The following CTNND2 variants were observed in gnomAD, a reference collection of about 807,000 sequenced individuals.
The protein encoded by CTNND2 is catenin delta 2, also known as catenin delta-2.
A neutral mutation model predicts 144.4 loss-of-function variants in CTNND2; 22 were observed. The observed-to-expected ratio is 0.15, with a 90% CI of 0.11 to 0.22. The LOEUF is 0.22. Among genes scored for constraint, CTNND2 ranks in the 10% least tolerant of loss-of-function variants. The pLI is 1.00. For synonymous variants in CTNND2, 751 were observed against 695.6 expected (o/e 1.08, Z -1.25); for missense variants, 1,353 against 1,618.8 (o/e 0.84, Z 2.82).
chr5:11,295,915 A>C (rs1278545298), intron 9 of CTNND2, among the ~76,000 whole-genome samples: 1 of 152,192 alleles, frequency 6.6e-6, no homozygotes, highest in Non-Finnish European at 1.5e-5. Context: ...TTCAGGACAT[A>C]GGCATGGGCA....
intron 18 of CTNND2, among the ~76,000 whole-genome samples, chr5:10,997,482 C>T (rs1739476131): frequency 6.6e-6 from 1 of 151,784 alleles, no homozygotes; most frequent in Admixed American, 6.6e-5. Context: ...ATCCTAGCTA[C>T]TCGGGAGGCT....
At chr5:11,480,331 T>C (rs1474829891) in intron 3 of CTNND2, among the ~76,000 whole-genome samples, 2 of 152,206 alleles carry the variant, frequency 1.3e-5, no homozygotes, top group Non-Finnish European at 2.9e-5. Flanking sequence ...CAATGCCACT[T>C]GGAGCAGCCT....
intron 1 of CTNND2, among the ~76,000 whole-genome samples, chr5:11,870,380 T>C (rs1734999223): frequency 6.6e-6 from 1 of 152,284 alleles, no homozygotes; most frequent in Non-Finnish European, 1.5e-5. Flanking sequence ...TGGAGAGCTG[T>C]CAGCTACATG....
intron 1 of CTNND2, among the ~76,000 whole-genome samples, chr5:11,871,779 G>A (rs189150756): frequency 1.8e-4 from 27 of 152,214 alleles, no homozygotes; most frequent in South Asian, 1.2e-3. Context: ...GGACAAGCCC[G>A]AGACACAATT....
At chr5:11,556,047 G>A (rs1209256424) in intron 3 of CTNND2, among the ~76,000 whole-genome samples, 1 of 152,038 alleles carries the variant, frequency 6.6e-6, no homozygotes, top group Non-Finnish European at 1.5e-5. Context: ...AACTTTATTG[G>A]AGCAGTAATA....
At chr5:11,845,367 T>C (rs1000890625) in intron 1 of CTNND2, among the ~76,000 whole-genome samples, 1 of 152,308 alleles carries the variant, frequency 6.6e-6, no homozygotes, top group Admixed American at 6.5e-5. Context: ...CCAAAAATCA[T>C]AGCATCATAA....
At chr5:11,836,020 A>AT (rs1369790307) in intron 1 of CTNND2, among the ~76,000 whole-genome samples, 1 of 152,006 alleles carries the variant, frequency 6.6e-6, no homozygotes, top group African/African-American at 2.4e-5. Flanking sequence ...ATGCATTTTA[A>AT]TTTTCATTCA....
chr5:11,494,218 G>A (rs1269163920), intron 3 of CTNND2, among the ~76,000 whole-genome samples: 1 of 152,132 alleles, frequency 6.6e-6, no homozygotes, highest in Non-Finnish European at 1.5e-5. Context: ...AATAGATTAA[G>A]TGAACTTCAT....
At chr5:11,415,451 T>G (rs1220123214) in intron 3 of CTNND2, among the ~76,000 whole-genome samples, 2 of 152,026 alleles carry the variant, frequency 1.3e-5, no homozygotes, top group East Asian at 3.9e-4. Context: ...AAAATCTTTT[T>G]AAAAATTAGC....
chr5:11,567,869 C>T (rs756560742), intron 2 of CTNND2, among the ~76,000 whole-genome samples: 1 of 152,174 alleles, frequency 6.6e-6, no homozygotes, highest in Non-Finnish European at 1.5e-5. Flanking sequence ...TCAACACAGA[C>T]ATTTTCATTT....
rs367874263 is a variant in CTNND2 at position 10,992,594 on chromosome 5, C to T, written c.3168G>A (p.Thr1056=). The change falls in exon 19 of 22, where the codon ACG becomes ACA. Residue 1056 remains threonine (T), a synonymous_variant. Coordinates refer to ENST00000304623, the MANE Select transcript of CTNND2 (RefSeq NM_001332.4). ...ACACGCGCACAGGGGAGATGGAGGG[C>T]GTGCGGGAGGAGGAGTAGGGCCTTT... ...DRQRPYSSSR[T]PSISPVRVSP... 55 of 1,613,832 alleles carry T rather than the reference C, an allele frequency of 3.4e-5. No homozygotes were observed. In the South Asian group the frequency reaches 4.3e-4, roughly 13 times the overall value.
chr5:11,231,857 T>G (rs557498758), intron 10 of CTNND2, among the ~76,000 whole-genome samples: 1 of 152,190 alleles, frequency 6.6e-6, no homozygotes, highest in South Asian at 2.1e-4. Context: ...TGGAGGCCTG[T>G]GGGAGGGAAA....
At chr5:11,253,673 CGAT>C (rs1743908293) in intron 9 of CTNND2, among the ~76,000 whole-genome samples, 1 of 152,044 alleles carries the variant, frequency 6.6e-6, no homozygotes, top group Non-Finnish European at 1.5e-5. Context: ...AATAATATAA[CGAT>C]GATGTAAAAA....
intron 9 of CTNND2, among the ~76,000 whole-genome samples, chr5:11,308,224 C>T (rs2150045055): frequency 6.9e-6 from 1 of 145,742 alleles, no homozygotes; most frequent in African/African-American, 2.5e-5. Flanking sequence ...ATTATAATTA[C>T]TTTTTTTTTT....
intron 1 of CTNND2, among the ~76,000 whole-genome samples, chr5:11,754,680 G>C (rs999354329): frequency 6.6e-6 from 1 of 151,778 alleles, no homozygotes; most frequent in Non-Finnish European, 1.5e-5. Flanking sequence ...ATGTTTTCTT[G>C]TTGAGTTGAT....
chr5:11,126,076 C>T (rs534419527), intron 12 of CTNND2, among the ~76,000 whole-genome samples: 3 of 152,228 alleles, frequency 2.0e-5, no homozygotes, highest in South Asian at 2.1e-4. Flanking sequence ...CCGAGGCAGG[C>T]GGATCACCTG....
At chr5:11,549,029 T>C (rs144208340) in intron 3 of CTNND2, among the ~76,000 whole-genome samples, 1 of 152,236 alleles carries the variant, frequency 6.6e-6, no homozygotes, top group Non-Finnish European at 1.5e-5. Context: ...AGAGTTAATT[T>C]AAATTTAATT....
intron 6 of CTNND2, among the ~76,000 whole-genome samples, chr5:11,392,462 C>T (rs1450575163): frequency 6.6e-6 from 1 of 152,198 alleles, no homozygotes; most frequent in Non-Finnish European, 1.5e-5. Flanking sequence ...ATATACTACA[C>T]AGAACTTTAT....
chr5:11,267,881 C>T (rs1745616099), intron 9 of CTNND2, among the ~76,000 whole-genome samples: 3 of 152,068 alleles, frequency 2.0e-5, no homozygotes, highest in African/African-American at 2.4e-5. Context: ...AACGTGAAGT[C>T]ATAGTATGAT....
Sources: gnomAD v4.1 joint callset for allele counts (sites outside exome capture counted in the v4.1 genomes callset) on GRCh38, gnomAD v4.1.1 for gene constraint, MANE v1.5 for transcripts, NCBI Gene and HGNC (gene_info 2026-07-23, HGNC 2026-07-21) for gene names.